Variants in RAPGEF6 observed in about 807,000 individuals in gnomAD.
The protein encoded by RAPGEF6 is PDZ domain containing guanine nucleotide exchange factor (GEF) 2.
In RAPGEF6, 56 loss-of-function variants were observed where a neutral mutation model predicts 171.4. The observed-to-expected ratio is 0.33, with a 90% CI of 0.26 to 0.41. The LOEUF is 0.41. Among genes scored for constraint, RAPGEF6 ranks in the 10% least tolerant of loss-of-function variants. The probability of loss-of-function intolerance (pLI) is 1.00; values close to 1 mark genes in which losing one functional copy is unlikely to be tolerated. For synonymous variants in RAPGEF6, 692 were observed against 650.1 expected (o/e 1.06, Z -0.98); for missense variants, 1,674 against 1,921.4 (o/e 0.87, Z 2.41).
At chr5:131,579,862 T>C (rs1012903851) in intron 4 of RAPGEF6, among the ~76,000 whole-genome samples, 4 of 152,208 alleles carry the variant, frequency 2.6e-5, no homozygotes, top group African/African-American at 9.6e-5. Context: ...GATTGGCGCA[T>C]ATACAATCCC....
rs1017641936 is a variant in RAPGEF6 at position 131,508,052 on chromosome 5, A to G, written c.942+19T>C. On this transcript the variant is annotated intron_variant, in intron 9 of 27. Transcript: ENST00000509018. Reference sequence around the variant, plus strand: ...GTTAGTATCCATAATAAATGTATGTAATTTATTTATTGACCTACCTCTTGC... The same window carrying G: ...GTTAGTATCCATAATAAATGTATGTGATTTATTTATTGACCTACCTCTTGC... The G allele has an allele frequency of 1.3e-6, 2 of 1,557,496 alleles. No individual in the cohort carries two copies. The highest frequency in any genetic ancestry group is 1.7e-6 in the Non-Finnish European group (2 of 1,147,454).
intron 15 of RAPGEF6, among the ~76,000 whole-genome samples, chr5:131,488,730 A>G (rs1330998550): frequency 2.6e-5 from 4 of 152,210 alleles, no homozygotes; most frequent in African/African-American, 9.6e-5. Flanking sequence ...CCGTAGGCAT[A>G]GCTTTTAAAG....
intron 4 of RAPGEF6, among the ~76,000 whole-genome samples, chr5:131,575,356 C>A (rs1176993835): frequency 2.0e-5 from 3 of 152,184 alleles, no homozygotes; most frequent in Non-Finnish European, 4.4e-5. Flanking sequence ...TCTTACGAAT[C>A]TTCCCAACAG....
chr5:131,518,400 T>A (rs1430555198), intron 7 of RAPGEF6, among the ~76,000 whole-genome samples: 1 of 9,330 alleles, frequency 1.1e-4, no homozygotes, highest in East Asian at 8.1e-4. Context: ...GAGTTTGAAA[T>A]TTTTTTTTTT....
At chr5:131,525,680 C>G (rs569242672) in intron 6 of RAPGEF6, among the ~76,000 whole-genome samples, 3 of 151,772 alleles carry the variant, frequency 2.0e-5, no homozygotes, top group African/African-American at 7.2e-5. Context: ...AAAACCTCAT[C>G]TGGGAATGAA....
At chr5:131,519,267 C>G (rs1758312991) in intron 7 of RAPGEF6, among the ~76,000 whole-genome samples, 1 of 152,176 alleles carries the variant, frequency 6.6e-6, no homozygotes, top group African/African-American at 2.4e-5. Flanking sequence ...GATGTAGGGA[C>G]CAACTGTGTA....
At chr5:131,530,084 T>G (rs1759271046) in intron 6 of RAPGEF6, among the ~76,000 whole-genome samples, 1 of 151,100 alleles carries the variant, frequency 6.6e-6, no homozygotes, top group African/African-American at 2.4e-5. Context: ...ATTTTTATAT[T>G]TTTAATAGAC....
chr5:131,589,561 C>G (rs764972748), intron 4 of RAPGEF6, among the ~76,000 whole-genome samples: 10 of 152,150 alleles, frequency 6.6e-5, no homozygotes, highest in Non-Finnish European at 1.3e-4. Context: ...GCTGAGCAGC[C>G]AGGGGAGTGG....
At chr5:131,470,997 C>T (rs763128849) in intron 17 of RAPGEF6, among the ~76,000 whole-genome samples, 2 of 152,182 alleles carry the variant, frequency 1.3e-5, no homozygotes, top group Admixed American at 1.3e-4. Flanking sequence ...ATTTCTTTTA[C>T]GTGCCAAGAA....
chr5:131,479,691 T>C lies in RAPGEF6; in HGVS notation c.1903A>G (p.Ile635Val). ...TGGCGATTACTTTTTTTTTCAGCAATTTTGGGAATATGAGGAACACCAGAT... is the reference window on the plus strand; with the variant it reads ...TGGCGATTACTTTTTTTTTCAGCAACTTTGGGAATATGAGGAACACCAGAT... ...EKSGVPHIPKIAEKKSNRHSI... is the reference protein window; with the variant it reads ...EKSGVPHIPKVAEKKSNRHSI... Residue 635 changes from isoleucine to valine, a missense_variant, in exon 16 of 28, where the codon ATT (isoleucine) becomes GTT (valine). Ile to Val is a conservative substitution (Grantham distance 29). Transcript: ENST00000509018. The C allele has an allele frequency of 6.2e-7, 1 of 1,613,996 alleles. No homozygotes were observed. The highest frequency in any genetic ancestry group is 8.5e-7 in the Non-Finnish European group (1 of 1,179,946).
At chr5:131,593,221 C>T (rs1451192975) in intron 3 of RAPGEF6, among the ~76,000 whole-genome samples, 1 of 86,646 alleles carries the variant, frequency 1.2e-5, no homozygotes, top group East Asian at 2.6e-4. Flanking sequence ...CACCAAAACC[C>T]TTTTTCCAAA....
intron 23 of RAPGEF6, among the ~76,000 whole-genome samples, chr5:131,440,951 G>C (rs1042511654): frequency 6.6e-6 from 1 of 152,102 alleles, no homozygotes; most frequent in Non-Finnish European, 1.5e-5. Context: ...GCAACTTCCA[G>C]TTAACTGTTA....
At chr5:131,534,880 GAATAT>G (rs568553263) in intron 6 of RAPGEF6, among the ~76,000 whole-genome samples, 181 of 152,132 alleles carry the variant, frequency 1.2e-3, no homozygotes, top group African/African-American at 4.3e-3. Context: ...AGTACCAACA[GAATAT>G]ATTATAGCCG....
chr5:131,528,338 TACAC>T (rs372339216), intron 6 of RAPGEF6, among the ~76,000 whole-genome samples: 1,914 of 26,292 alleles, frequency 0.073, 191 homozygotes, highest in African/African-American at 0.1. Flanking sequence ...TATATATATA[TACAC>T]ACACACACAC....
At chr5:131,472,771 T>C (rs1320678634) in intron 16 of RAPGEF6, 27 bp from the exon 17 acceptor site, 2 of 1,582,364 alleles carry the variant, frequency 1.3e-6, no homozygotes, top group Non-Finnish European at 1.7e-6. Flanking sequence ...TATATCACTT[T>C]AAAGTATTTG....
chr5:131,456,676 A>T (rs1408881735), intron 19 of RAPGEF6, among the ~76,000 whole-genome samples: 4 of 152,174 alleles, frequency 2.6e-5, no homozygotes, highest in Non-Finnish European at 4.4e-5. Context: ...TGCCAAATGA[A>T]TAGTGTATAT....
At chr5:131,607,827 C>T (rs1207732150) in intron 1 of RAPGEF6, among the ~76,000 whole-genome samples, 1 of 152,036 alleles carries the variant, frequency 6.6e-6, no homozygotes, top group Non-Finnish European at 1.5e-5. Context: ...CCTGCAATGT[C>T]GAAGTGACTT....
intron 6 of RAPGEF6, among the ~76,000 whole-genome samples, chr5:131,539,254 T>C (rs897818893): frequency 6.6e-6 from 1 of 152,218 alleles, no homozygotes; most frequent in Non-Finnish European, 1.5e-5. Flanking sequence ...AAAGTACTTA[T>C]GAAATACCAT....
At chr5:131,510,652 G>T (rs965663574) in intron 7 of RAPGEF6, among the ~76,000 whole-genome samples, 161 bp from the exon 8 acceptor site, 1 of 152,150 alleles carries the variant, frequency 6.6e-6, no homozygotes, top group Non-Finnish European at 1.5e-5. Context: ...TTTATAAAAG[G>T]TTCTTTCTGC....
Sources: gnomAD v4.1 joint callset for allele counts (sites outside exome capture counted in the v4.1 genomes callset) on GRCh38, gnomAD v4.1.1 for gene constraint, MANE v1.5 for transcripts, NCBI Gene and HGNC (gene_info 2026-07-23, HGNC 2026-07-21) for gene names.